LRPPRC: variants seen among roughly 807,000 people sequenced by gnomAD.
LRPPRC encodes leucine-rich PPR motif-containing protein, mitochondrial.
A neutral mutation model predicts 180.3 loss-of-function variants in LRPPRC; 120 were observed. The observed-to-expected ratio is 0.67, with a 90% CI of 0.57 to 0.77. The LOEUF (loss-of-function observed/expected upper bound fraction) is 0.77, where lower values mean the gene tolerates loss of function less well. LRPPRC is among the 30% of genes least tolerant of loss of function. The pLI, the probability that LRPPRC is intolerant of heterozygous loss-of-function variation, is 0.00. For missense variants in LRPPRC, 2,012 were observed against 1,657.2 expected, an observed-to-expected ratio of 1.21 and a Z score of -3.72; for synonymous variants, 723 against 600.0, an observed-to-expected ratio of 1.21 and a Z score of -3.00.
Position 43,950,215 on chromosome 2 carries a change from T to A in LRPPRC, c.1677+358A>T, listed in dbSNP as rs865793614. Among the ~76,000 whole-genome samples, 19 of 150,070 alleles carry A rather than the reference T, an allele frequency of 1.3e-4. 1 individual carries two copies. The highest frequency in any genetic ancestry group is 4.2e-4 in the South Asian group (2 of 4,808). On this transcript the variant is annotated intron_variant, in intron 15 of 37. Transcript: ENST00000260665. ...CTATTCTCATGGATTCTTTTTTTTT[T>A]AATTTCCAACTTTTATTTTAAGTTC...
chr2:43,943,592 C>T, intron 23 of LRPPRC, 95 bp downstream of exon 23: 1 of 1,022,152 alleles, frequency 9.8e-7, no homozygotes, highest in Non-Finnish European at 1.5e-6. Context: ...TCCAAGGCTT[C>T]CCCATCATGA....
At chr2:43,948,811 GC>G (rs1558992990) in intron 16 of LRPPRC, among the ~76,000 whole-genome samples, 1 of 151,730 alleles carries the variant, frequency 6.6e-6, no homozygotes, top group Non-Finnish European at 1.5e-5. Context: ...CCTGCCCAAG[GC>G]CTTACCCCTT....
At chr2:43,955,338 G>A (rs902989067) in intron 14 of LRPPRC, among the ~76,000 whole-genome samples, 9 of 151,872 alleles carry the variant, frequency 5.9e-5, no homozygotes, top group African/African-American at 2.2e-4. Flanking sequence ...GCGTGGTAGT[G>A]CACACCTGTA....
chr2:43,886,470 G>C lies in LRPPRC; in HGVS notation c.*2130C>G, dbSNP rs933220825. On this transcript the variant is annotated 3_prime_UTR_variant, in exon 38 of 38. Coordinates refer to ENST00000260665, the MANE Select transcript of LRPPRC (RefSeq NM_133259.4). ...CACTCATAAGCCCACCTACAGTATA[G>C]TTATTATACTTTAAATATTTATATT... The C allele has an allele frequency of 6.6e-6, 1 of 152,100 alleles. No individual in the cohort carries two copies. The highest frequency in any genetic ancestry group is 1.5e-5 in the Non-Finnish European group (1 of 68,018). 9.4% of individuals were successfully genotyped at this position (152,100 alleles called of 1,614,324 possible).
chr2:43,922,492 C>T (rs573584980), intron 27 of LRPPRC, among the ~76,000 whole-genome samples: 2 of 152,138 alleles, frequency 1.3e-5, no homozygotes, highest in Non-Finnish European at 2.9e-5. Flanking sequence ...ATCCACAATG[C>T]AAAATATGGA....
intron 1 of LRPPRC, among the ~76,000 whole-genome samples, chr2:43,985,313 T>C (rs1433311535): frequency 6.6e-6 from 1 of 152,228 alleles, no homozygotes; most frequent in Non-Finnish European, 1.5e-5. Context: ...GTAGTATCTT[T>C]GTTACAAATG....
chr2:43,980,479 G>A (rs1045416286), intron 2 of LRPPRC, among the ~76,000 whole-genome samples: 2 of 150,852 alleles, frequency 1.3e-5, no homozygotes, highest in African/African-American at 4.9e-5. Context: ...CTTGAACCCA[G>A]GAGGTGGAGG....
chr2:43,960,767 T>A (rs17578702), intron 12 of LRPPRC, 133 bp from the exon 13 acceptor site: 2 of 684,164 alleles, frequency 2.9e-6, no homozygotes, highest in South Asian at 1.6e-5. Flanking sequence ...AGCTCAGTAA[T>A]TGAATTTTAG....
chr2:43,970,114 G>A (rs1278095819), intron 11 of LRPPRC, among the ~76,000 whole-genome samples: 23 of 152,124 alleles, frequency 1.5e-4, no homozygotes, highest in Non-Finnish European at 4.4e-5. Context: ...ATTGACTGCA[G>A]CTACAAGATT....
chr2:43,938,970 C>G (rs1223464839), intron 23 of LRPPRC, among the ~76,000 whole-genome samples: 1 of 152,020 alleles, frequency 6.6e-6, no homozygotes, highest in African/African-American at 2.4e-5. Context: ...AGAGAGTATA[C>G]TTAAACAACA....
intron 23 of LRPPRC, among the ~76,000 whole-genome samples, chr2:43,937,205 C>T (rs953815398): frequency 1.3e-5 from 2 of 151,970 alleles, no homozygotes; most frequent in Non-Finnish European, 2.9e-5. Flanking sequence ...TTCAGAACAA[C>T]AACAGAAAAA....
chr2:43,896,511 G>C, intron 35 of LRPPRC, 123 bp downstream of exon 35: 1 of 696,588 alleles, frequency 1.4e-6, no homozygotes, highest in Non-Finnish European at 2.6e-6. Flanking sequence ...GACAAGCAAA[G>C]TCTTGAATCT....
Position 43,918,520 on chromosome 2 carries a change from G to T in LRPPRC, c.2897-122C>A. ...CATTATTCCAAATGCTGCCTTTAGGGAAAGGAACCAAAAGTGACCGTGACC... is the reference window on the plus strand; with the variant it reads ...CATTATTCCAAATGCTGCCTTTAGGTAAAGGAACCAAAAGTGACCGTGACC... On this transcript the variant is annotated intron_variant, in intron 27 of 37. Transcript: ENST00000260665. 3 of 813,098 alleles carry T rather than the reference G, an allele frequency of 3.7e-6. No homozygotes were observed. In the South Asian group the frequency reaches 4.6e-5, roughly 13 times the overall value. The allele number at this position is 813,098 out of a possible 1,614,324, so 50.4% of individuals were successfully genotyped here.
rs1301384335 is a variant in LRPPRC at position 43,982,440 on chromosome 2, A to C, written c.150-6T>G. 6.2e-7 allele frequency: 1 copy of C among 1,602,336 alleles called. No homozygotes were observed. Among genetic ancestry groups the C allele is most frequent in the Admixed American group, 1.7e-5 (1 of 59,926 alleles). ...TGGCTGGGCTCAGTAGTCCTCTAAA[A>C]AATGAAACATAATTAATAATAATCA... is the stretch of plus-strand genomic sequence containing the variant. On this transcript the variant is annotated splice_region_variant and splice_polypyrimidine_tract_variant and intron_variant, in intron 1 of 37. Coordinates refer to ENST00000260665, the MANE Select transcript of LRPPRC (RefSeq NM_133259.4).
chr2:43,943,356 C>G (rs1271599714), intron 23 of LRPPRC, among the ~76,000 whole-genome samples: 1 of 152,042 alleles, frequency 6.6e-6, no homozygotes, highest in African/African-American at 2.4e-5. Flanking sequence ...TGTCAAGACA[C>G]ATACTCAAAA....
chr2:43,912,619 G>C, intron 29 of LRPPRC, 61 bp from the exon 30 acceptor site: 1 of 1,476,962 alleles, frequency 6.8e-7, no homozygotes, highest in South Asian at 1.2e-5. Context: ...CAAAAGGATG[G>C]AAAAAATCCT....
chr2:43,926,690 C>T (rs1411563927), intron 25 of LRPPRC, among the ~76,000 whole-genome samples: 9 of 152,174 alleles, frequency 5.9e-5, no homozygotes, highest in Admixed American at 6.6e-5. Context: ...CTCATTTACA[C>T]GCTCTCTCTT....
intron 11 of LRPPRC, among the ~76,000 whole-genome samples, chr2:43,968,974 AC>A (rs1426417798): frequency 6.6e-6 from 1 of 152,218 alleles, no homozygotes; most frequent in East Asian, 1.9e-4. Context: ...GACACAATGT[AC>A]CTGTATATAA....
chr2:43,893,512 C>T (rs982079683), intron 36 of LRPPRC, among the ~76,000 whole-genome samples: 1 of 152,196 alleles, frequency 6.6e-6, no homozygotes, highest in Non-Finnish European at 1.5e-5. Context: ...TTATGACTCA[C>T]TGAAGGCACA....
Sources: gnomAD v4.1 joint callset for allele counts (sites outside exome capture counted in the v4.1 genomes callset) on GRCh38, gnomAD v4.1.1 for gene constraint, MANE v1.5 for transcripts, NCBI Gene and HGNC (gene_info 2026-07-23, HGNC 2026-07-21) for gene names.